The following DGKB variants were observed in gnomAD, a reference collection of about 807,000 sequenced individuals.
The protein encoded by DGKB is diacylglycerol kinase beta, also known as 90 kDa diacylglycerol kinase.
DGKB carries 67 observed loss-of-function variants against 114.3 expected under a neutral mutation model. The ratio of observed to expected loss-of-function variants is 0.59; its 90% CI spans 0.48 to 0.72. DGKB has a LOEUF of 0.72. DGKB is among the 30% of genes least tolerant of loss of function. The pLI is 0.00. For missense variants in DGKB, 907 were observed against 975.2 expected, an observed-to-expected ratio of 0.93 and a Z score of 0.93; for synonymous variants, 398 against 323.1, an observed-to-expected ratio of 1.23 and a Z score of -2.49.
intron 23 of DGKB, among the ~76,000 whole-genome samples, chr7:14,332,327 TG>T (rs1464168290): frequency 6.6e-6 from 1 of 152,162 alleles, no homozygotes; most frequent in South Asian, 2.1e-4. Flanking sequence ...GCAGCAGAGT[TG>T]GGGTTTGAGC....
intron 13 of DGKB, among the ~76,000 whole-genome samples, chr7:14,635,683 G>A (rs1810614393): frequency 6.6e-6 from 1 of 151,530 alleles, no homozygotes; most frequent in Non-Finnish European, 1.5e-5. Context: ...ATTTATGAAT[G>A]TGTATATGTA....
chr7:14,766,584 T>G (rs900219033), intron 2 of DGKB, among the ~76,000 whole-genome samples: 9 of 151,952 alleles, frequency 5.9e-5, no homozygotes. Flanking sequence ...GATATCCAAG[T>G]GTAGCCATTA....
chr7:14,256,116 T>C (rs73273673), intron 23 of DGKB, among the ~76,000 whole-genome samples: 8,692 of 114,934 alleles, frequency 0.076, 803 homozygotes, highest in African/African-American at 0.21. Context: ...AACTAGCTTG[T>C]TTGTTTTATT....
chr7:14,187,953 A>G (rs1338075414), intron 23 of DGKB, among the ~76,000 whole-genome samples: 4 of 152,198 alleles, frequency 2.6e-5, no homozygotes, highest in Non-Finnish European at 5.9e-5. Context: ...CAATAAAATC[A>G]GGAAAACAAT....
At chr7:14,342,687 A>G (rs17774368) in intron 22 of DGKB, among the ~76,000 whole-genome samples, 510 of 152,056 alleles carry the variant, frequency 3.4e-3, no homozygotes, top group Non-Finnish European at 5.6e-3. Flanking sequence ...GAGATATAAC[A>G]GTATCATAAG....
chr7:14,363,248 A>G (rs1198788114), intron 21 of DGKB, among the ~76,000 whole-genome samples: 1 of 152,162 alleles, frequency 6.6e-6, no homozygotes, highest in East Asian at 1.9e-4. Context: ...AATAGATAAA[A>G]GACACATAAA....
intron 23 of DGKB, among the ~76,000 whole-genome samples, chr7:14,224,506 T>C (rs1028556650): frequency 1.3e-5 from 2 of 152,030 alleles, no homozygotes; most frequent in Non-Finnish European, 2.9e-5. Context: ...ACAGGTAGTT[T>C]CTGTTGCCTG....
chr7:14,829,578 G>A (rs891401204), intron 2 of DGKB, among the ~76,000 whole-genome samples: 1 of 152,076 alleles, frequency 6.6e-6, no homozygotes, highest in Non-Finnish European at 1.5e-5. Flanking sequence ...TTTTATCAGT[G>A]AACACTTTAG....
intron 21 of DGKB, among the ~76,000 whole-genome samples, chr7:14,455,512 C>G (rs1297631873): frequency 6.6e-6 from 1 of 151,944 alleles, no homozygotes; most frequent in African/African-American, 2.4e-5. Context: ...AATTACATGA[C>G]ATTTCCAGTA....
intron 21 of DGKB, among the ~76,000 whole-genome samples, chr7:14,473,762 G>C (rs2195751): frequency 6.6e-6 from 1 of 152,208 alleles, no homozygotes; most frequent in Non-Finnish European, 1.5e-5. Flanking sequence ...GTGAGACATA[G>C]AGTCAAAAGG....
At chr7:14,661,971 C>G (rs374967915) in intron 13 of DGKB, among the ~76,000 whole-genome samples, 2 of 151,878 alleles carry the variant, frequency 1.3e-5, no homozygotes, top group Admixed American at 1.3e-4. Flanking sequence ...AACCAAACAC[C>G]GCATATTCTC....
At chr7:14,861,194 ATATTT>A (rs1223989063) in intron 1 of DGKB, among the ~76,000 whole-genome samples, 1 of 151,962 alleles carries the variant, frequency 6.6e-6, no homozygotes, top group East Asian at 1.9e-4. Flanking sequence ...TGAGTATTTT[ATATTT>A]TATATTTCAT....
chr7:14,205,548 T>C (rs980316565), intron 23 of DGKB, among the ~76,000 whole-genome samples: 3 of 151,974 alleles, frequency 2.0e-5, no homozygotes, highest in Non-Finnish European at 4.4e-5. Flanking sequence ...GTTAAAGGTT[T>C]TAAAAAATAA....
At chr7:14,367,347 G>T (rs1415998257) in intron 21 of DGKB, among the ~76,000 whole-genome samples, 1 of 151,990 alleles carries the variant, frequency 6.6e-6, no homozygotes, top group Admixed American at 6.6e-5. Context: ...ATGAGGGCGG[G>T]TTTTTTCCCA....
chr7:14,868,030 C>T (rs535592576), intron 1 of DGKB, among the ~76,000 whole-genome samples: 22 of 152,208 alleles, frequency 1.4e-4, no homozygotes, highest in Middle Eastern at 6.8e-3. Context: ...GAAGTCAGAC[C>T]GGCGTGGATT....
chr7:14,878,920 C>T (rs898135309), intron 1 of DGKB, among the ~76,000 whole-genome samples: 4 of 149,346 alleles, frequency 2.7e-5, no homozygotes, highest in African/African-American at 7.7e-5. Flanking sequence ...CAAGATCTGC[C>T]GGCCATTCTA....
intron 1 of DGKB, among the ~76,000 whole-genome samples, chr7:14,960,674 G>T (rs934562658): frequency 3.9e-5 from 6 of 151,976 alleles, no homozygotes; most frequent in Non-Finnish European, 8.8e-5. Flanking sequence ...GACAATGAAA[G>T]TGAGGGGTTT....
chr7:14,695,792 C>T (rs1302759167), intron 8 of DGKB, among the ~76,000 whole-genome samples: 1 of 151,914 alleles, frequency 6.6e-6, no homozygotes, highest in East Asian at 2.0e-4. Context: ...CAGGCTTGAG[C>T]CACCGAGCCC....
intron 23 of DGKB, among the ~76,000 whole-genome samples, chr7:14,298,605 G>A (rs960962475): frequency 4.6e-5 from 7 of 151,576 alleles, no homozygotes; most frequent in African/African-American, 1.5e-4. Context: ...TAAAACCCAG[G>A]CAATACCACT....
Sources: gnomAD v4.1 joint callset for allele counts (sites outside exome capture counted in the v4.1 genomes callset) on GRCh38, gnomAD v4.1.1 for gene constraint, MANE v1.5 for transcripts, NCBI Gene and HGNC (gene_info 2026-07-23, HGNC 2026-07-21) for gene names.